Variants in ARHGAP27 observed in about 807,000 individuals in gnomAD.
ARHGAP27 encodes Rho GTPase activating protein 27.
Under a neutral mutation model 102.0 loss-of-function variants are expected in ARHGAP27, and 53 were observed. The observed-to-expected ratio is 0.52, with a 90% CI of 0.42 to 0.65. The LOEUF is 0.65. ARHGAP27 is among the 30% of genes least tolerant of loss of function. ARHGAP27 has a pLI of 0.00. For synonymous variants in ARHGAP27, 525 were observed against 542.8 expected (o/e 0.97, Z 0.46); for missense variants, 1,117 against 1,256.2 (o/e 0.89, Z 1.68).
At chr17:45,425,824 G>T (rs140172432) in intron 4 of ARHGAP27, among the ~76,000 whole-genome samples, 75 of 152,312 alleles carry the variant, frequency 4.9e-4, no homozygotes, top group Middle Eastern at 3.4e-3. Flanking sequence ...AGTCTCAGAG[G>T]CCCCTTTATT....
chr17:45,423,793 G>A (rs1444411202), intron 4 of ARHGAP27, among the ~76,000 whole-genome samples: 2 of 152,144 alleles, frequency 1.3e-5, no homozygotes, highest in African/African-American at 2.4e-5. Context: ...AGGCACAATC[G>A]TCATTACACT....
intron 4 of ARHGAP27, chr17:45,425,513 T>C (rs538686759): frequency 2.1e-6 from 2 of 969,074 alleles, no homozygotes; most frequent in Non-Finnish European, 2.5e-6. Flanking sequence ...AGGGGAGAGA[T>C]TGGGGAAACT....
chr17:45,404,892 G>T, intron 6 of ARHGAP27, 32 bp downstream of exon 6: 1 of 1,613,920 alleles, frequency 6.2e-7, no homozygotes, highest in South Asian at 1.1e-5. Flanking sequence ...GGACTCTGAG[G>T]CTGTCCGGGT....
In ARHGAP27 at chr17:45,427,413, G is replaced by A. The variant is rs1317354112; in HGVS notation, c.657+2210C>T. Among the ~76,000 whole-genome samples, 1 of 152,232 alleles carries A rather than the reference G, an allele frequency of 6.6e-6. No homozygotes were observed. The highest frequency in any genetic ancestry group is 1.9e-4 in the East Asian group (1 of 5,190). On this transcript the variant is annotated intron_variant, in intron 4 of 19. Coordinates refer to ENST00000685559, the MANE Select transcript of ARHGAP27 (RefSeq NM_001282290.2). This position sits in a 1 kb window ranked among gnomAD's most constrained non-coding sequence, Gnocchi z 4.5. ...CCAAGAGGGTGAGTCCCCCAGGATC[G>A]TGGCTGTGCCTCAGTCCTCTCCAGA...
Position 45,395,599 on chromosome 17 carries a change from C to T in ARHGAP27, c.2527G>A (p.Val843Met), listed in dbSNP as rs748158908. Reference sequence around the variant, plus strand: ...CCGAACACAATGGCCACGCTCTGCACCGACATGCGGTTCTGCTCGCCGTGC... The same window carrying T: ...CCGAACACAATGGCCACGCTCTGCATCGACATGCGGTTCTGCTCGCCGTGC... ...IEHGEQNRMS[V>M]QSVAIVFGPT... The change falls in exon 20 of 20, where the codon GTG (valine) becomes ATG (methionine). Residue 843 changes from valine to methionine, a missense_variant. Physicochemically the swap from Val to Met is conservative, Grantham distance 21 (BLOSUM62 1). Around this residue, in one of 3 missense-constraint regions of ARHGAP27, gnomAD observed 493 missense variants for 505.5 expected, o/e 0.98. Transcript: ENST00000685559. The T allele has an allele frequency of 3.1e-6, 5 of 1,607,638 alleles. No homozygotes were observed. The highest frequency in any genetic ancestry group is 3.4e-6 in the Non-Finnish European group (4 of 1,177,382).
intron 4 of ARHGAP27, chr17:45,410,119 G>T (rs2047725738): frequency 3.9e-6 from 5 of 1,295,066 alleles, no homozygotes; most frequent in Non-Finnish European, 5.2e-6. Flanking sequence ...AGAAAAGGAA[G>T]TATGAGCCCC....
intron 4 of ARHGAP27, chr17:45,409,923 G>GTGGTC: frequency 2.5e-6 from 1 of 393,420 alleles, no homozygotes. Flanking sequence ...TCCGACCTCA[G>GTGGTC]GCCAGAGGAG....
chr17:45,402,700 A>G lies in ARHGAP27; in HGVS notation c.1743+14T>C, dbSNP rs146536600. The stretch of plus-strand genomic sequence containing the variant: ...TAAGCCCCTTCCCTCCTTCTCCCCA[A>G]CCCCGCCACTCACCTCCAGCACATT... On this transcript the variant is annotated intron_variant, in intron 12 of 19. Transcript: ENST00000685559. 1 of 1,595,572 alleles carries G rather than the reference A, an allele frequency of 6.3e-7. No individual in the cohort carries two copies. Among genetic ancestry groups the G allele is most frequent in the South Asian group, 1.1e-5 (1 of 90,586 alleles).
rs938006813 is a variant in ARHGAP27 at position 45,395,047 on chromosome 17, A to G, written c.*409T>C. 22 of 230,542 alleles carry G rather than the reference A, an allele frequency of 9.5e-5. No homozygotes were observed. Among genetic ancestry groups the G allele is most frequent in the Admixed American group, 2.1e-4 (4 of 18,728 alleles). 14.3% of individuals were successfully genotyped at this position (230,542 alleles called of 1,614,324 possible). The stretch of plus-strand genomic sequence containing the variant: ...GTGCCAGCACAGGGCCAGGGCCCAC[A>G]GGGTCTCTGTGAAGGCCTCCACGAG... On this transcript the variant is annotated 3_prime_UTR_variant, in exon 20 of 20. Coordinates refer to ENST00000685559, the MANE Select transcript of ARHGAP27 (RefSeq NM_001282290.2).
intron 4 of ARHGAP27, among the ~76,000 whole-genome samples, chr17:45,428,118 C>A (rs1199054219): frequency 2.0e-5 from 3 of 152,248 alleles, no homozygotes; most frequent in African/African-American, 7.2e-5. Context: ...AAGAGCAAGG[C>A]CATTCCCCCA....
chr17:45,398,808 A>T (rs980102497), intron 12 of ARHGAP27, among the ~76,000 whole-genome samples: 7 of 152,078 alleles, frequency 4.6e-5, no homozygotes, highest in Admixed American at 1.3e-4. Flanking sequence ...AACAGTGAAT[A>T]TAGGGAGAGA....
At chr17:45,410,602 A>G (rs1230106) in intron 4 of ARHGAP27, among the ~76,000 whole-genome samples, 81,549 of 151,896 alleles carry the variant, frequency 0.54, 22,691 homozygotes, top group African/African-American at 0.69. Context: ...GGCTGCACAG[A>G]GGAAGATCAC....
Position 45,396,927 on chromosome 17 carries a change from C to G in ARHGAP27, c.1940G>C (p.Arg647Pro), listed in dbSNP as rs372242163. ...TGCCTTGCGCACACCTGCATTCGGT[C>G]GCGCGTCCTCCTCTTTCTCCTGCCA... is the stretch of plus-strand genomic sequence containing the variant. ...GSWQEKEEDA[R>P]PNAAAPALGP... is the part of the protein sequence containing the mutation. Residue 647 changes from arginine (R) to proline (P), a missense_variant, in exon 14 of 20, where the codon CGA becomes CCA. Physicochemically the swap from Arg to Pro is moderately radical, Grantham distance 103 (BLOSUM62 -2). Around this residue, in one of 3 missense-constraint regions of ARHGAP27, gnomAD observed 493 missense variants for 505.5 expected, o/e 0.98. Transcript: ENST00000685559. 1 of 1,606,364 alleles carries G rather than the reference C, an allele frequency of 6.2e-7. No homozygotes were observed. The highest frequency in any genetic ancestry group is 8.5e-7 in the Non-Finnish European group (1 of 1,179,970).
intron 12 of ARHGAP27, 132 bp downstream of exon 12, chr17:45,402,582 G>T: frequency 1.3e-6 from 1 of 773,762 alleles, no homozygotes; most frequent in Non-Finnish European, 2.1e-6. Flanking sequence ...ACAGCCAAAA[G>T]CTGCACTCAG....
In ARHGAP27 at chr17:45,427,423, C is replaced by T. The variant is rs747333382; in HGVS notation, c.657+2200G>A. Reference sequence around the variant, plus strand: ...GAGTCCCCCAGGATCGTGGCTGTGCCTCAGTCCTCTCCAGATCCGAAGGCT... The same window carrying T: ...GAGTCCCCCAGGATCGTGGCTGTGCTTCAGTCCTCTCCAGATCCGAAGGCT... On this transcript the variant is annotated intron_variant, in intron 4 of 19. Coordinates refer to ENST00000685559, the MANE Select transcript of ARHGAP27 (RefSeq NM_001282290.2). The surrounding 1 kb of genome is among the most constrained non-coding windows in gnomAD (Gnocchi z 4.5). Among the ~76,000 whole-genome samples, 4 of 152,260 alleles carry T rather than the reference C, an allele frequency of 2.6e-5. No individual in the cohort carries two copies. Among genetic ancestry groups the T allele is most frequent in the Non-Finnish European group, 5.9e-5 (4 of 68,052 alleles).
chr17:45,413,953 A>G lies in ARHGAP27; in HGVS notation c.658-7870T>C, dbSNP rs778492408. On this transcript the variant is annotated intron_variant, in intron 4 of 19. Coordinates refer to ENST00000685559, the MANE Select transcript of ARHGAP27 (RefSeq NM_001282290.2). ...AAACCTTGTCTCTACTAAAAATACA[A>G]AAATTAGCTGGGCGTGGTGGCGTGC... 2.0e-5 allele frequency among the ~76,000 whole-genome samples: 3 copies of G among 152,094 alleles called. No homozygotes were observed. In the South Asian group the frequency reaches 6.2e-4, roughly 32 times the overall value.
In ARHGAP27 at chr17:45,404,104, A is replaced by C; in HGVS notation, c.1480-8T>G. The stretch of plus-strand genomic sequence containing the variant: ...CTTGTCCAAGGTCTTGGTCTAAGAG[A>C]GAGAAGAGAGAGCAGGCGCAAGAGT... On this transcript the variant is annotated splice_region_variant and splice_polypyrimidine_tract_variant and intron_variant, in intron 9 of 19. Transcript: ENST00000685559. 6.2e-7 allele frequency: 1 copy of C among 1,613,966 alleles called. No individual in the cohort carries two copies. Among genetic ancestry groups the C allele is most frequent in the Non-Finnish European group, 8.5e-7 (1 of 1,179,994 alleles).
intron 12 of ARHGAP27, 42 bp downstream of exon 12, chr17:45,402,672 C>T (rs767341682): frequency 1.3e-6 from 2 of 1,539,400 alleles, no homozygotes; most frequent in East Asian, 2.3e-5. Flanking sequence ...TGGCAGGCAT[C>T]ACTAAGCCCC....
intron 16 of ARHGAP27, 57 bp from the exon 17 acceptor site, chr17:45,396,341 C>T (rs1429120069): frequency 2.6e-6 from 4 of 1,531,680 alleles, no homozygotes; most frequent in African/African-American, 1.4e-5. Flanking sequence ...GGTGGGGCTA[C>T]GGGTCCCTGC....
Sources: allele counts gnomAD v4.1 joint callset (sites outside exome capture counted in the v4.1 genomes callset), GRCh38; gene constraint gnomAD v4.1.1; regional missense constraint gnomAD v4.1.1; non-coding constraint Gnocchi (gnomAD v3.1); transcripts MANE v1.5; gene names NCBI Gene and HGNC (gene_info 2026-07-23, HGNC 2026-07-21).